MGAT4C: variants seen among roughly 807,000 people sequenced by gnomAD.
MGAT4C encodes the protein alpha-1,3-mannosyl-glycoprotein 4-beta-N-acetylglucosaminyltransferase C.
Under a neutral mutation model 40.1 loss-of-function variants are expected in MGAT4C, and 19 were observed. The observed-to-expected ratio is 0.47, with a 90% CI of 0.33 to 0.70. The LOEUF (loss-of-function observed/expected upper bound fraction) is 0.70. MGAT4C is among the 30% of genes least tolerant of loss of function. MGAT4C has a pLI of 0.02. For missense variants in MGAT4C, 491 were observed against 563.2 expected, an observed-to-expected ratio of 0.87 and a Z score of 1.30; for synonymous variants, 181 against 187.1, an observed-to-expected ratio of 0.97 and a Z score of 0.27.
intron 1 of MGAT4C, among the ~76,000 whole-genome samples, chr12:86,809,378 G>GT (rs1240922694): frequency 6.6e-6 from 1 of 151,902 alleles, no homozygotes; most frequent in Non-Finnish European, 1.5e-5. Context: ...TTTTGTTCAA[G>GT]TTTTTTTGAG....
chr12:86,191,158 A>G (rs1889405796), intron 1 of MGAT4C, among the ~76,000 whole-genome samples: 1 of 151,020 alleles, frequency 6.6e-6, no homozygotes, highest in Non-Finnish European at 1.5e-5. Context: ...GTTTCTCTAA[A>G]GAATGCTGAG....
rs181257918 is a variant in MGAT4C at position 86,694,028 on chromosome 12, T to A, written c.-229+33181A>T. 8.7e-3 allele frequency among the ~76,000 whole-genome samples: 1,318 copies of A among 152,246 alleles called. 7 individuals carry two copies. Among genetic ancestry groups the A allele is most frequent in the Middle Eastern group, 0.017 (5 of 294 alleles). On this transcript the variant is annotated intron_variant, in intron 2 of 7. Transcript: ENST00000548651. The stretch of plus-strand genomic sequence containing the variant: ...TTACTATTATAAATCCAAAGCAAAA[T>A]AAGGAGGAATACACTTTTAACATGT...
intron 1 of MGAT4C, among the ~76,000 whole-genome samples, chr12:86,059,535 C>T (rs1163084428): frequency 6.6e-6 from 1 of 152,174 alleles, no homozygotes; most frequent in Non-Finnish European, 1.5e-5. Context: ...CTTCTGCGTT[C>T]TCTGTGAGCT....
intron 1 of MGAT4C, among the ~76,000 whole-genome samples, chr12:86,174,139 AC>A (rs1326596008): frequency 1.3e-5 from 2 of 151,086 alleles, no homozygotes; most frequent in Non-Finnish European, 3.0e-5. Context: ...ACACACACAC[AC>A]ACACACACAC....
At chr12:86,804,428 AAAAT>A (rs1312171977) in intron 1 of MGAT4C, among the ~76,000 whole-genome samples, 1 of 151,050 alleles carries the variant, frequency 6.6e-6, no homozygotes, top group African/African-American at 2.4e-5. Context: ...AAAAAATAAA[AAAAT>A]AAAATAAATA....
At chr12:86,481,407 G>C (rs1389200663) in intron 2 of MGAT4C, among the ~76,000 whole-genome samples, 3 of 151,970 alleles carry the variant, frequency 2.0e-5, no homozygotes, top group African/African-American at 7.2e-5. Flanking sequence ...ACAACCTTCT[G>C]GAGTTTAGTC....
intron 2 of MGAT4C, among the ~76,000 whole-genome samples, chr12:85,997,116 G>A (rs1012416638): frequency 6.6e-6 from 1 of 152,158 alleles, no homozygotes; most frequent in Non-Finnish European, 1.5e-5. Flanking sequence ...CATGGTGGAA[G>A]GCAAGAAGGA....
intron 1 of MGAT4C, among the ~76,000 whole-genome samples, chr12:86,733,689 C>T (rs556130295): frequency 2.2e-4 from 33 of 152,096 alleles, no homozygotes; most frequent in African/African-American, 6.5e-4. Context: ...TATAATTGTA[C>T]TGTATGAACT....
At chr12:86,796,974 T>C (rs1380207748) in intron 1 of MGAT4C, among the ~76,000 whole-genome samples, 3 of 151,954 alleles carry the variant, frequency 2.0e-5, no homozygotes, top group African/African-American at 7.2e-5. Flanking sequence ...GAAAAGGTTC[T>C]CTGCCTCCAG....
intron 1 of MGAT4C, among the ~76,000 whole-genome samples, chr12:86,756,396 G>T (rs1336874706): frequency 6.6e-6 from 1 of 150,876 alleles, no homozygotes; most frequent in African/African-American, 2.4e-5. Flanking sequence ...TCACAACCTG[G>T]TGAATTAGGC....
chr12:86,578,017 C>T (rs1255256805), intron 2 of MGAT4C, among the ~76,000 whole-genome samples: 3 of 151,670 alleles, frequency 2.0e-5, no homozygotes, highest in African/African-American at 4.8e-5. Flanking sequence ...TGAGGGCCAG[C>T]CAGGAAACCT....
intron 2 of MGAT4C, among the ~76,000 whole-genome samples, chr12:86,642,277 A>G (rs914203786): frequency 3.3e-5 from 5 of 151,834 alleles, no homozygotes; most frequent in African/African-American, 1.2e-4. Context: ...TCCTGCTAAT[A>G]TGTTCCTGAT....
chr12:86,230,043 C>A (rs975698462), intron 1 of MGAT4C, among the ~76,000 whole-genome samples: 2 of 151,966 alleles, frequency 1.3e-5, no homozygotes, highest in African/African-American at 4.8e-5. Flanking sequence ...GATTGCTCCC[C>A]AGTAGAATGC....
chr12:86,769,757 T>C (rs938867823), intron 1 of MGAT4C, among the ~76,000 whole-genome samples: 1 of 151,896 alleles, frequency 6.6e-6, no homozygotes, highest in Non-Finnish European at 1.5e-5. Context: ...CAGTAAACTA[T>C]CGCAAGGACA....
At chr12:86,572,100 C>T (rs1960392164) in intron 2 of MGAT4C, among the ~76,000 whole-genome samples, 1 of 152,006 alleles carries the variant, frequency 6.6e-6, no homozygotes. Flanking sequence ...GGATAATTTG[C>T]CATATTGCTC....
chr12:86,292,608 C>A (rs889727977), intron 4 of MGAT4C, among the ~76,000 whole-genome samples: 5 of 152,086 alleles, frequency 3.3e-5, no homozygotes, highest in Non-Finnish European at 7.4e-5. Flanking sequence ...GAAGAGCTGT[C>A]ATAGGTAATG....
chr12:86,827,628 A>G (rs1228708829), intron 1 of MGAT4C, among the ~76,000 whole-genome samples: 1 of 151,416 alleles, frequency 6.6e-6, no homozygotes, highest in African/African-American at 2.4e-5. Flanking sequence ...ACGAAAGAAA[A>G]ATGCCTTGGA....
intron 1 of MGAT4C, among the ~76,000 whole-genome samples, chr12:86,753,110 G>A (rs1419739087): frequency 6.6e-6 from 1 of 152,068 alleles, no homozygotes; most frequent in African/African-American, 2.4e-5. Flanking sequence ...AGACTGAAAA[G>A]CCCCCCAAAG....
At chr12:86,449,663 G>C (rs1957392446) in intron 2 of MGAT4C, among the ~76,000 whole-genome samples, 1 of 152,040 alleles carries the variant, frequency 6.6e-6, no homozygotes, top group South Asian at 2.1e-4. Context: ...TTTTATAGAT[G>C]TAATAGCACA....
Sources: gnomAD v4.1 joint callset for allele counts (sites outside exome capture counted in the v4.1 genomes callset) on GRCh38, gnomAD v4.1.1 for gene constraint, MANE v1.5 for transcripts, NCBI Gene and HGNC (gene_info 2026-07-23, HGNC 2026-07-21) for gene names.